Variants in PKIA observed in about 807,000 individuals in gnomAD.
PKIA encodes PKI-alpha.
PKIA carries 4 observed loss-of-function variants against 7.6 expected under a neutral mutation model. That is an observed-to-expected ratio of 0.52 (90% CI 0.26 to 1.20). The LOEUF (loss-of-function observed/expected upper bound fraction) is 1.20, where lower values mean the gene tolerates loss of function less well. Ranked by LOEUF, PKIA falls within the 50% of genes most tolerant of loss-of-function variation. The pLI is 0.13. For missense variants in PKIA, 73 were observed against 86.2 expected (o/e 0.85, Z 0.61); for synonymous variants, 21 against 30.7 (o/e 0.68, Z 1.04).
intron 2 of PKIA, among the ~76,000 whole-genome samples, chr8:78,573,550 G>A (rs1807605471): frequency 6.6e-6 from 1 of 151,328 alleles, no homozygotes; most frequent in African/African-American, 2.4e-5. Flanking sequence ...CAAAACTTGG[G>A]GCAAAAGGAC....
chr8:78,560,548 A>G (rs1383371685), intron 1 of PKIA, among the ~76,000 whole-genome samples: 1 of 152,206 alleles, frequency 6.6e-6, no homozygotes, highest in Non-Finnish European at 1.5e-5. Flanking sequence ...AAACATATGA[A>G]CATTAATAAC....
chr8:78,529,021 C>T (rs1014233382), intron 1 of PKIA, among the ~76,000 whole-genome samples: 1 of 152,020 alleles, frequency 6.6e-6, no homozygotes, highest in Non-Finnish European at 1.5e-5. Context: ...ACTGGAGTTA[C>T]TGTTCTGGTT....
chr8:78,524,239 T>C (rs1237689183), intron 1 of PKIA, among the ~76,000 whole-genome samples: 1 of 144,326 alleles, frequency 6.9e-6, no homozygotes, highest in East Asian at 2.0e-4. Context: ...TATATAAATA[T>C]ATATGTTTTT....
At chr8:78,546,619 T>C (rs1806831537) in intron 1 of PKIA, among the ~76,000 whole-genome samples, 3 of 152,198 alleles carry the variant, frequency 2.0e-5, no homozygotes. Context: ...AAATGAGATG[T>C]GGAGCGGAGT....
chr8:78,588,841 C>T (rs1808022719), intron 2 of PKIA, among the ~76,000 whole-genome samples: 2 of 151,302 alleles, frequency 1.3e-5, no homozygotes, highest in South Asian at 2.1e-4. Context: ...TCTTAAAGAA[C>T]ATGCAGGGTT....
chr8:78,570,961 C>A (rs540914711), intron 1 of PKIA, among the ~76,000 whole-genome samples: 1 of 152,218 alleles, frequency 6.6e-6, no homozygotes, highest in Non-Finnish European at 1.5e-5. Flanking sequence ...ACTGCTCTCT[C>A]TTCCATTACA....
At chr8:78,592,550 G>A (rs569339511) in intron 2 of PKIA, among the ~76,000 whole-genome samples, 111 of 152,144 alleles carry the variant, frequency 7.3e-4, no homozygotes, top group Non-Finnish European at 1.4e-3. Flanking sequence ...TCATTCAATT[G>A]AAATGAAAGC....
chr8:78,524,211 TATAAACATTTATATTTATATATAA>T (rs1409956483), intron 1 of PKIA, among the ~76,000 whole-genome samples: 1 of 130,202 alleles, frequency 7.7e-6, no homozygotes, highest in African/African-American at 3.2e-5. Context: ...TTTATATATA[TATAAACATTTATATTTATATATAA>T]ATATATATGT....
intron 1 of PKIA, among the ~76,000 whole-genome samples, chr8:78,521,343 C>T (rs1809413252): frequency 6.6e-6 from 1 of 152,064 alleles, no homozygotes; most frequent in South Asian, 2.1e-4. Flanking sequence ...GTTCATCCCT[C>T]CTAGGTTCTA....
chr8:78,548,576 T>C (rs940589440), intron 1 of PKIA, among the ~76,000 whole-genome samples: 1 of 152,090 alleles, frequency 6.6e-6, no homozygotes, highest in African/African-American at 2.4e-5. Context: ...TAGCTATGTG[T>C]TTGGAAAGTA....
At chr8:78,579,027 G>T (rs1300006864) in intron 2 of PKIA, among the ~76,000 whole-genome samples, 3 of 151,824 alleles carry the variant, frequency 2.0e-5, no homozygotes, top group African/African-American at 7.3e-5. Flanking sequence ...ATCTCCATTT[G>T]CTCAAGCCAA....
At chr8:78,522,298 A>G (rs1373617451) in intron 1 of PKIA, among the ~76,000 whole-genome samples, 3 of 151,944 alleles carry the variant, frequency 2.0e-5, no homozygotes, top group Non-Finnish European at 4.4e-5. Flanking sequence ...TGTGACTTCA[A>G]GTTATGTGGT....
At chr8:78,590,279 T>C (rs1261387214) in intron 2 of PKIA, among the ~76,000 whole-genome samples, 6 of 143,094 alleles carry the variant, frequency 4.2e-5, no homozygotes, top group Non-Finnish European at 7.5e-5. Context: ...CAATGTCTGA[T>C]AGTTAAAAAA....
At chr8:78,553,188 C>T (rs908766873) in intron 1 of PKIA, among the ~76,000 whole-genome samples, 1 of 151,198 alleles carries the variant, frequency 6.6e-6, no homozygotes, top group Admixed American at 6.6e-5. Flanking sequence ...CGTAAAAGCA[C>T]TGTCTTGCTT....
At position 78,565,266 on chromosome 8, in the gene PKIA, A is replaced by T. The variant is rs546955941; in HGVS notation, c.-156-7545A>T. Among the ~76,000 whole-genome samples, 5 of 151,978 alleles carry T rather than the reference A, an allele frequency of 3.3e-5. No homozygotes were observed. The East Asian group carries it at 9.6e-4, about 29-fold the overall frequency. On this transcript the variant is annotated intron_variant, in intron 1 of 3. Transcript: ENST00000396418. Reference sequence around the variant, plus strand: ...AAGCAAACTGCCTAAAATTCTAGTCATTATTTTTCATTATTTTCATTTTTA... The same window carrying T: ...AAGCAAACTGCCTAAAATTCTAGTCTTTATTTTTCATTATTTTCATTTTTA...
At chr8:78,542,140 G>A (rs1172715945) in intron 1 of PKIA, among the ~76,000 whole-genome samples, 1 of 152,028 alleles carries the variant, frequency 6.6e-6, no homozygotes, top group African/African-American at 2.4e-5. Context: ...TTCAGCCTAG[G>A]CTACAGAGCA....
At chr8:78,583,167 T>A (rs1292967228) in intron 2 of PKIA, among the ~76,000 whole-genome samples, 1 of 152,158 alleles carries the variant, frequency 6.6e-6, no homozygotes, top group East Asian at 1.9e-4. Flanking sequence ...CCATACTTTG[T>A]GAAAACTTGC....
At chr8:78,578,450 C>T (rs979994451) in intron 2 of PKIA, among the ~76,000 whole-genome samples, 9 of 151,890 alleles carry the variant, frequency 5.9e-5, no homozygotes, top group African/African-American at 2.2e-4. Flanking sequence ...ACTTTTGTTT[C>T]AAATCATGTT....
At chr8:78,599,695 G>A (rs1203549402) in intron 3 of PKIA, among the ~76,000 whole-genome samples, 1 of 151,928 alleles carries the variant, frequency 6.6e-6, no homozygotes, top group African/African-American at 2.4e-5. Flanking sequence ...ACTGTATGGG[G>A]AATTATTCCA....
Sources: gnomAD v4.1 joint callset for allele counts (sites outside exome capture counted in the v4.1 genomes callset) on GRCh38, gnomAD v4.1.1 for gene constraint, MANE v1.5 for transcripts, NCBI Gene and HGNC (gene_info 2026-07-23, HGNC 2026-07-21) for gene names.